VPS4A: variants seen among roughly 807,000 people sequenced by gnomAD.
VPS4A encodes vacuolar protein sorting 4 homolog A, also known as vacuolar protein sorting-associated protein 4A.
Under a neutral mutation model 52.3 loss-of-function variants are expected in VPS4A, and 20 were observed. That is an observed-to-expected ratio of 0.38 (90% CI 0.27 to 0.56). The LOEUF (loss-of-function observed/expected upper bound fraction) is 0.56, where lower values mean the gene tolerates loss of function less well. Among genes scored for constraint, VPS4A ranks in the 20% least tolerant of loss-of-function variants. The pLI, the probability that VPS4A is intolerant of heterozygous loss-of-function variation, is 0.72. For missense variants in VPS4A, 419 were observed against 575.9 expected (o/e 0.73, Z 2.79); for synonymous variants, 293 against 227.7 (o/e 1.29, Z -2.58).
intron 10 of VPS4A, among the ~76,000 whole-genome samples, chr16:69,323,987 G>A (rs532530562): frequency 5.8e-4 from 88 of 151,446 alleles, no homozygotes; most frequent in Non-Finnish European, 1.1e-3. Context: ...CGTAAGGGGA[G>A]TTATGAGATG....
At chr16:69,319,268 TAG>T (rs1965479874) in intron 5 of VPS4A, 117 bp from the exon 6 acceptor site, 1 of 1,419,694 alleles carries the variant, frequency 7.0e-7, no homozygotes, top group South Asian at 1.3e-5. Context: ...TGTTTGCCAG[TAG>T]AGTCCGTTGT....
intron 10 of VPS4A, chr16:69,323,818 C>G: frequency 2.7e-6 from 1 of 374,720 alleles, no homozygotes. Flanking sequence ...TGTGTGGTGG[C>G]ACGTGCCTGT....
chr16:69,315,858 T>C (rs1045057839), intron 1 of VPS4A, 150 bp from the exon 2 acceptor site: 11 of 641,536 alleles, frequency 1.7e-5, no homozygotes, highest in Non-Finnish European at 2.7e-5. Context: ...TTCTAGCCGA[T>C]GTTGAAAAAG....
rs1159756162 is a variant in VPS4A, at chr16:69,320,330, C to G, written c.769+41C>G. ...AGGGCCCCCTTGGTTCTTGTTGCACCTGAAGCCAACCCTGGGCTTTATTCT... is the reference window on the plus strand; with the variant it reads ...AGGGCCCCCTTGGTTCTTGTTGCACGTGAAGCCAACCCTGGGCTTTATTCT... On this transcript the variant is annotated intron_variant, in intron 7 of 10. Transcript: ENST00000254950. This position sits in a 1 kb window ranked among gnomAD's most constrained non-coding sequence, Gnocchi z 4.2. 1 of 1,600,810 alleles carries G rather than the reference C, an allele frequency of 6.2e-7. No individual in the cohort carries two copies. Among genetic ancestry groups the G allele is most frequent in the African/African-American group, 1.3e-5 (1 of 74,668 alleles).
At chr16:69,319,012 A>G (rs1456905701) in intron 5 of VPS4A, 70 bp downstream of exon 5, 1 of 1,570,700 alleles carries the variant, frequency 6.4e-7, no homozygotes, top group Non-Finnish European at 8.6e-7. Flanking sequence ...ACTCCGAGGC[A>G]CCCGGGAGTC....
Position 69,319,512 on chromosome 16 carries a change from C to T in VPS4A, c.589C>T (p.Leu197=). The change falls in exon 6 of 11, where the codon CTG becomes TTG. Residue 197 remains leucine, a synonymous_variant. Transcript: ENST00000254950. The stretch of plus-strand genomic sequence containing the variant: ...CTTCTTCTCTGTGTCCTCCTCAGAT[C>T]TGATGTCCAAGTGGCTGGGGGAGAG... ...STFFSVSSSD[L]MSKWLGESEK... 1 of 1,613,888 alleles carries T rather than the reference C, an allele frequency of 6.2e-7. No individual in the cohort carries two copies. The highest frequency in any genetic ancestry group is 1.1e-5 in the South Asian group (1 of 91,076).
Position 69,320,743 on chromosome 16 carries a change from G to C in VPS4A, c.825G>C (p.Trp275Cys). Reference protein sequence around the residue: ...TLVLGATNIPWVLDSAIRRRF... With the variant: ...TLVLGATNIPCVLDSAIRRRF... Reference sequence around the variant, plus strand: ...TTCTTGGAGCCACAAACATCCCATGGGTGTTGGATTCGGCCATCAGGAGGA... The same window carrying C: ...TTCTTGGAGCCACAAACATCCCATGCGTGTTGGATTCGGCCATCAGGAGGA... The change falls in exon 8 of 11, where the codon TGG becomes TGC. Residue 275 changes from tryptophan to cysteine, a missense_variant. Physicochemically the swap from Trp to Cys is radical, Grantham distance 215. This residue lies in a region of VPS4A where 103 missense variants were observed against 210.3 expected (regional missense o/e 0.49). Coordinates refer to ENST00000254950, the MANE Select transcript of VPS4A (RefSeq NM_013245.3). This position sits in a 1 kb window ranked among gnomAD's most constrained non-coding sequence, Gnocchi z 4.2. 1 of 1,608,680 alleles carries C rather than the reference G, an allele frequency of 6.2e-7. No homozygotes were observed. The highest frequency in any genetic ancestry group is 8.5e-7 in the Non-Finnish European group (1 of 1,177,640).
intron 9 of VPS4A, 64 bp from the exon 10 acceptor site, chr16:69,322,496 C>G (rs1306337016): frequency 1.3e-6 from 2 of 1,515,146 alleles, no homozygotes; most frequent in African/African-American, 1.4e-5. Flanking sequence ...CCTTAGAGAC[C>G]GGAGGGGTCG....
rs183977234 is a variant in VPS4A at position 69,326,413 on chromosome 16, A to G, written c.*2104A>G. 2 of 152,374 alleles carry G rather than the reference A, an allele frequency of 1.3e-5. No homozygotes were observed. The highest frequency in any genetic ancestry group is 4.8e-5 in the African/African-American group (2 of 41,590). The allele number at this position is 152,374 out of a possible 1,614,324, so 9.4% of individuals were successfully genotyped here. On this transcript the variant is annotated 3_prime_UTR_variant, in exon 11 of 11. Coordinates refer to ENST00000254950, the MANE Select transcript of VPS4A (RefSeq NM_013245.3). Reference sequence around the variant, plus strand: ...CCACCAGGATATGAACCGTGTCTGCAGAGCTTCACTTTAGTGAGCTTACAA... The same window carrying G: ...CCACCAGGATATGAACCGTGTCTGCGGAGCTTCACTTTAGTGAGCTTACAA...
intron 1 of VPS4A, 65 bp downstream of exon 1, chr16:69,311,597 C>G (rs1965378696): frequency 8.1e-7 from 1 of 1,230,112 alleles, no homozygotes; most frequent in East Asian, 3.4e-5. Flanking sequence ...GCCGCAGAGC[C>G]GGGCGGCGGG....
At position 69,320,346 on chromosome 16, in the gene VPS4A, G is replaced by C. The variant is rs988764767; in HGVS notation, c.769+57G>C. 9.4e-6 allele frequency: 15 copies of C among 1,589,580 alleles called. No individual in the cohort carries two copies. The Middle Eastern group carries it at 2.6e-3, about 280-fold the overall frequency. The stretch of plus-strand genomic sequence containing the variant: ...TTGTTGCACCTGAAGCCAACCCTGG[G>C]CTTTATTCTGAGCTGCGGCTGGATT... On this transcript the variant is annotated intron_variant, in intron 7 of 10. Coordinates refer to ENST00000254950, the MANE Select transcript of VPS4A (RefSeq NM_013245.3). The surrounding 1 kb of genome is among the most constrained non-coding windows in gnomAD (Gnocchi z 4.2).
chr16:69,319,532 G>A lies in VPS4A; in HGVS notation c.609G>A (p.Gly203=), dbSNP rs759648398. ...CAGATCTGATGTCCAAGTGGCTGGG[G>A]GAGAGTGAAAAGTAAGTCGGCCACC... is the stretch of plus-strand genomic sequence containing the variant. ...SSSDLMSKWL[G]ESEKLVKNLF... The change falls in exon 6 of 11, where the codon GGG becomes GGA. Residue 203 remains glycine, a synonymous_variant. Transcript: ENST00000254950. The A allele has an allele frequency of 1.2e-6, 2 of 1,613,104 alleles. No homozygotes were observed. Among genetic ancestry groups the A allele is most frequent in the African/African-American group, 1.3e-5 (1 of 75,036 alleles).
At chr16:69,313,928 C>G (rs937071875) in intron 1 of VPS4A, among the ~76,000 whole-genome samples, 1 of 150,954 alleles carries the variant, frequency 6.6e-6, no homozygotes, top group African/African-American at 2.4e-5. Flanking sequence ...TCCATTGAAA[C>G]TTGGACCCCC....
chr16:69,320,584 T>C lies in VPS4A; in HGVS notation c.770-104T>C. On this transcript the variant is annotated intron_variant, in intron 7 of 10. Transcript: ENST00000254950. This position sits in a 1 kb window ranked among gnomAD's most constrained non-coding sequence, Gnocchi z 4.2. ...CTGCCAGTGGTGGGTGGCACAGGGA[T>C]GGCTTCAATTGCTGACACACAAAGC... 2 of 1,005,104 alleles carry C rather than the reference T, an allele frequency of 2.0e-6. No homozygotes were observed. Among genetic ancestry groups the C allele is most frequent in the South Asian group, 1.6e-5 (1 of 63,422 alleles). 62.3% of individuals were successfully genotyped at this position (1,005,104 alleles called of 1,614,324 possible).
chr16:69,323,565 A>C (rs142967440), intron 10 of VPS4A: 1 of 448,440 alleles, frequency 2.2e-6, no homozygotes, highest in Non-Finnish European at 4.5e-6. Context: ...ACTGTGACGC[A>C]GTTGCAAAGG....
Position 69,318,787 on chromosome 16 carries a change from G to GCCGGGC in VPS4A, c.344-22_344-17dup, listed in dbSNP as rs142877343. The GCCGGGC allele has an allele frequency of 7.9e-4, 1,269 of 1,612,102 alleles. 2 individuals carry two copies. The highest frequency in any genetic ancestry group is 5.0e-3 in the African/African-American group (374 of 74,864). ...CTGCTGGGTTGGCTCATGCCCCTTG[G>GCCGGGC]CCGGGCCCGGGCCCGGGCCGGCCTC... is the stretch of plus-strand genomic sequence containing the variant. On this transcript the variant is annotated intron_variant, in intron 4 of 10. Coordinates refer to ENST00000254950, the MANE Select transcript of VPS4A (RefSeq NM_013245.3).
At position 69,322,578 on chromosome 16, in the gene VPS4A, A is replaced by G; in HGVS notation, c.1090A>G (p.Thr364Ala). 1 of 1,613,390 alleles carries G rather than the reference A, an allele frequency of 6.2e-7. No homozygotes were observed. The highest frequency in any genetic ancestry group is 1.3e-5 in the African/African-American group (1 of 74,968). The change falls in exon 10 of 11, where the codon ACC becomes GCC. Residue 364 changes from threonine (T) to alanine (A), a missense_variant. Physicochemically the swap from Thr to Ala is moderately conservative, Grantham distance 58. Around this residue, in one of 3 missense-constraint regions of VPS4A, gnomAD observed 185 missense variants for 200.2 expected, o/e 0.92. Transcript: ENST00000254950. The part of the protein sequence containing the change: ...HFKKVCGPSR[T>A]NPSMMIDDLL... ...GTTTCAGGTCTGTGGCCCCTCTCGC[A>G]CCAACCCCAGCATGATGATTGATGA... is the stretch of plus-strand genomic sequence containing the variant.
At position 69,321,493 on chromosome 16, in the gene VPS4A, A is replaced by G; in HGVS notation, c.1071+223A>G. ...CTCAGGGTGTGTGAAAGCAGAGGAC[A>G]GGGCCACTTTACTGTCTTAACCCTG... On this transcript the variant is annotated intron_variant, in intron 9 of 10. Transcript: ENST00000254950. The surrounding 1 kb of genome is among the most constrained non-coding windows in gnomAD (Gnocchi z 4.5). The G allele has an allele frequency of 1.7e-6, 1 of 590,898 alleles. No individual in the cohort carries two copies. The highest frequency in any genetic ancestry group is 2.0e-5 in the South Asian group (1 of 49,992). The allele number at this position is 590,898 out of a possible 1,614,324, so 36.6% of individuals were successfully genotyped here.
intron 1 of VPS4A, 114 bp from the exon 2 acceptor site, chr16:69,315,894 A>C: frequency 1.2e-6 from 1 of 846,898 alleles, no homozygotes; most frequent in African/African-American, 1.7e-5. Flanking sequence ...GCCCGCAAGC[A>C]ATAAATCCAC....
Sources: gnomAD v4.1 joint callset for allele counts (sites outside exome capture counted in the v4.1 genomes callset) on GRCh38, gnomAD v4.1.1 for gene constraint, gnomAD v4.1.1 regional missense constraint, Gnocchi (gnomAD v3.1) non-coding constraint, MANE v1.5 for transcripts, NCBI Gene and HGNC (gene_info 2026-07-23, HGNC 2026-07-21) for gene names.